Variants in CNTNAP5 observed in about 807,000 individuals in gnomAD.
The protein encoded by CNTNAP5 is contactin associated protein family member 5, also known as contactin-associated protein-like 5.
CNTNAP5 carries 72 observed loss-of-function variants against 150.2 expected under a neutral mutation model. That is an observed-to-expected ratio of 0.48 (90% CI 0.40 to 0.58). CNTNAP5 has a LOEUF of 0.58. Among genes scored for constraint, CNTNAP5 ranks in the 20% least tolerant of loss-of-function variants. The pLI is 0.00. For synonymous variants in CNTNAP5, 672 were observed against 619.8 expected (o/e 1.08, Z -1.25); for missense variants, 1,636 against 1,626.2 (o/e 1.01, Z -0.10).
At chr2:124,579,054 G>A (rs1049008225) in intron 11 of CNTNAP5, among the ~76,000 whole-genome samples, 1 of 152,122 alleles carries the variant, frequency 6.6e-6, no homozygotes, top group African/African-American at 2.4e-5. Context: ...GAGATGAAGG[G>A]CCAGTGTGGG....
chr2:124,527,543 T>C (rs1573437582), intron 10 of CNTNAP5, 87 bp downstream of exon 10: 7 of 1,066,472 alleles, frequency 6.6e-6, no homozygotes, highest in Non-Finnish European at 9.4e-6. Flanking sequence ...AAAATTCTAA[T>C]CCACCGACAT....
chr2:124,220,961 C>T (rs1232883148), intron 1 of CNTNAP5, among the ~76,000 whole-genome samples: 3 of 152,174 alleles, frequency 2.0e-5, no homozygotes, highest in Admixed American at 6.6e-5. Context: ...AGTGTCAACC[C>T]GGAGGGGTAT....
intron 21 of CNTNAP5, among the ~76,000 whole-genome samples, chr2:124,885,468 T>C (rs1678059583): frequency 6.6e-6 from 1 of 151,874 alleles, no homozygotes; most frequent in Admixed American, 6.6e-5. Flanking sequence ...TTAACCATTT[T>C]AAAGAATACA....
intron 9 of CNTNAP5, 62 bp from the exon 10 acceptor site, chr2:124,527,223 G>T: frequency 5.4e-6 from 8 of 1,469,406 alleles, no homozygotes; most frequent in Non-Finnish European, 6.6e-6. Context: ...CCATCAATAG[G>T]TCGCCAAAGC....
chr2:124,795,571 G>A (rs1681826960), intron 18 of CNTNAP5, among the ~76,000 whole-genome samples: 1 of 152,180 alleles, frequency 6.6e-6, no homozygotes, highest in South Asian at 2.1e-4. Flanking sequence ...AGGCTGGAGT[G>A]CAATGGCGCA....
intron 19 of CNTNAP5, among the ~76,000 whole-genome samples, chr2:124,813,164 C>T (rs1330630938): frequency 1.3e-5 from 2 of 151,194 alleles, no homozygotes; most frequent in African/African-American, 2.4e-5. Context: ...GCAAGCTCCA[C>T]CTCCTGGGTT....
At chr2:124,565,574 C>CTTT (rs776732335) in intron 11 of CNTNAP5, among the ~76,000 whole-genome samples, 4 of 68,504 alleles carry the variant, frequency 5.8e-5, no homozygotes, top group African/African-American at 2.4e-4. Context: ...TACCTAGATC[C>CTTT]TTTTTTTTTT....
chr2:124,085,595 C>T (rs975694888), intron 1 of CNTNAP5, among the ~76,000 whole-genome samples: 16 of 152,100 alleles, frequency 1.1e-4, no homozygotes, highest in African/African-American at 3.9e-4. Context: ...CTTGAGCTTG[C>T]AGCTTGGATG....
intron 8 of CNTNAP5, 122 bp from the exon 9 acceptor site, chr2:124,524,181 C>T (rs891978650): frequency 9.5e-6 from 8 of 845,288 alleles, no homozygotes; most frequent in Admixed American, 2.2e-5. Context: ...TGTATCCAGC[C>T]GAGTGAGGAG....
At position 124,563,245 on chromosome 2, in the gene CNTNAP5, G is replaced by A; in HGVS notation, c.1678G>A (p.Gly560Arg). The A allele has an allele frequency of 1.3e-6, 2 of 1,594,480 alleles. No individual in the cohort carries two copies. Among genetic ancestry groups the A allele is most frequent in the Non-Finnish European group, 1.7e-6 (2 of 1,169,582 alleles). The part of the protein sequence containing the change: ...RCLPNYCEHG[G>R]SCSQSWTTFY... ...TTTGCCAAACTACTGTGAACATGGA[G>A]GAAGCTGCTCCCAGTCCTGGACTAC... Residue 560 changes from glycine to arginine, a missense_variant, in exon 11 of 24, where the codon GGA (glycine) becomes AGA (arginine). By Grantham distance (125) the Gly-to-Arg change is moderately radical. Coordinates refer to ENST00000682447, the MANE Select transcript of CNTNAP5 (RefSeq NM_001367498.1).
intron 1 of CNTNAP5, among the ~76,000 whole-genome samples, chr2:124,036,275 T>C (rs1244369401): frequency 6.6e-6 from 1 of 152,008 alleles, no homozygotes; most frequent in Non-Finnish European, 1.5e-5. Flanking sequence ...TAATCAATAA[T>C]GGGGAGTAAG....
chr2:124,824,079 G>A (rs1379888133), intron 19 of CNTNAP5, among the ~76,000 whole-genome samples: 1 of 151,884 alleles, frequency 6.6e-6, no homozygotes, highest in Non-Finnish European at 1.5e-5. Flanking sequence ...CACCATGCCA[G>A]GCTAATTTTT....
Position 124,902,894 on chromosome 2 carries a change from T to G in CNTNAP5, c.3449T>G (p.Leu1150Trp). The change falls in exon 22 of 24, where the codon TTG becomes TGG. Residue 1150 changes from leucine to tryptophan, a missense_variant. Transcript: ENST00000682447. ...TTTTACATTGCAGAGAATCTTGGTT[T>G]GGATTCTGAAGTTGCTAAAGCAAAT... Reference protein sequence around the residue: ...TLGKVTENLGLDSEVAKANAM... With the variant: ...TLGKVTENLGWDSEVAKANAM... 1 of 1,607,668 alleles carries G rather than the reference T, an allele frequency of 6.2e-7. No individual in the cohort carries two copies. The highest frequency in any genetic ancestry group is 1.3e-5 in the African/African-American group (1 of 74,964).
At chr2:124,660,765 A>C (rs1428024786) in intron 13 of CNTNAP5, among the ~76,000 whole-genome samples, 1 of 151,952 alleles carries the variant, frequency 6.6e-6, no homozygotes, top group East Asian at 1.9e-4. Context: ...AAACAGGAAT[A>C]GTAAAAATAC....
At chr2:124,076,139 C>T (rs1389147839) in intron 1 of CNTNAP5, among the ~76,000 whole-genome samples, 1 of 152,128 alleles carries the variant, frequency 6.6e-6, no homozygotes, top group African/African-American at 2.4e-5. Context: ...AGCCTCATTA[C>T]AGATATTATA....
chr2:124,563,243 G>A lies in CNTNAP5; in HGVS notation c.1676G>A (p.Gly559Glu). 1.3e-6 allele frequency: 2 copies of A among 1,594,254 alleles called. No homozygotes were observed. Among genetic ancestry groups the A allele is most frequent in the Non-Finnish European group, 1.7e-6 (2 of 1,169,430 alleles). ...TGTTTGCCAAACTACTGTGAACATG[G>A]AGGAAGCTGCTCCCAGTCCTGGACT... ...DRCLPNYCEH[G>E]GSCSQSWTTF... Residue 559 changes from glycine (G) to glutamate (E), a missense_variant, in exon 11 of 24, where the codon GGA (glycine) becomes GAA (glutamate). Coordinates refer to ENST00000682447, the MANE Select transcript of CNTNAP5 (RefSeq NM_001367498.1).
chr2:124,451,605 C>T (rs1373978876), intron 6 of CNTNAP5, among the ~76,000 whole-genome samples: 1 of 152,052 alleles, frequency 6.6e-6, no homozygotes, highest in African/African-American at 2.4e-5. Flanking sequence ...TGAACTTTGG[C>T]TCCAGAACGA....
chr2:124,145,832 G>GAAAAAAAAGAAAAAA (rs1684233809), intron 1 of CNTNAP5, among the ~76,000 whole-genome samples: 5 of 34,198 alleles, frequency 1.5e-4, no homozygotes, highest in East Asian at 1.8e-3. Flanking sequence ...AAAAAAAGAA[G>GAAAAAAAAGAAAAAA]AAAAAAAAAA....
At chr2:124,699,711 G>A (rs1033231328) in intron 13 of CNTNAP5, among the ~76,000 whole-genome samples, 1 of 152,092 alleles carries the variant, frequency 6.6e-6, no homozygotes, top group Non-Finnish European at 1.5e-5. Flanking sequence ...GAGGCATTTG[G>A]TCATGCCTAG....
Sources: allele counts gnomAD v4.1 joint callset (sites outside exome capture counted in the v4.1 genomes callset), GRCh38; gene constraint gnomAD v4.1.1; transcripts MANE v1.5; gene names NCBI Gene and HGNC (gene_info 2026-07-23, HGNC 2026-07-21).